THADA: variants seen among roughly 807,000 people sequenced by gnomAD.
THADA encodes the protein THADA armadillo repeat containing, also known as tRNA (32-2'-O)-methyltransferase regulator THADA.
A neutral mutation model predicts 219.8 loss-of-function variants in THADA; 213 were observed. The observed-to-expected ratio is 0.97, with a 90% CI of 0.87 to 1.09. The LOEUF (loss-of-function observed/expected upper bound fraction) is 1.09, where lower values mean the gene tolerates loss of function less well. Among genes scored for constraint, THADA ranks in the 50% least tolerant of loss-of-function variants. THADA has a pLI of 0.00. For missense variants in THADA, 2,956 were observed against 2,311.3 expected, an observed-to-expected ratio of 1.28 and a Z score of -5.72; for synonymous variants, 1,018 against 828.9, an observed-to-expected ratio of 1.23 and a Z score of -3.92.
intron 31 of THADA, among the ~76,000 whole-genome samples, chr2:43,293,583 G>A (rs1194305822): frequency 1.3e-5 from 2 of 152,144 alleles, no homozygotes; most frequent in Non-Finnish European, 2.9e-5. Context: ...GCTCCCCTCT[G>A]TAACACCCTT....
intron 16 of THADA, 146 bp downstream of exon 16, chr2:43,560,088 A>G: frequency 1.7e-6 from 1 of 587,208 alleles, no homozygotes; most frequent in Non-Finnish European, 2.8e-6. Context: ...CCAAAATAGT[A>G]GAGAGGTGTT....
chr2:43,468,125 T>G (rs1684475810), intron 26 of THADA, among the ~76,000 whole-genome samples: 1 of 151,964 alleles, frequency 6.6e-6, no homozygotes, highest in South Asian at 2.1e-4. Context: ...TCCAGGATAT[T>G]TTTTGTTGTT....
chr2:43,304,673 A>ATTT lies in THADA; in HGVS notation c.4439-11463_4439-11461dup, dbSNP rs11387621. Among the ~76,000 whole-genome samples, 132 of 140,388 alleles carry ATTT rather than the reference A, an allele frequency of 9.4e-4. 2 individuals carry two copies. The highest frequency in any genetic ancestry group is 3.1e-3 in the African/African-American group (118 of 37,960). The allele number at this position is 140,388 out of a possible 152,430, so 92.1% of individuals were successfully genotyped here. ...GACGAAAAAATACAGAGCAGACTTCATTTTTTTTTTTTTTTTGTGATGGAG... is the reference window on the plus strand; with the variant it reads ...GACGAAAAAATACAGAGCAGACTTCATTTTTTTTTTTTTTTTTTTGTGATGGAG... On this transcript the variant is annotated intron_variant, in intron 31 of 37. Transcript: ENST00000405975.
At chr2:43,556,238 T>A in intron 17 of THADA, 107 bp downstream of exon 17, 5 of 1,518,064 alleles carry the variant, frequency 3.3e-6, no homozygotes, top group Non-Finnish European at 4.4e-6. Flanking sequence ...GCTGATAAAC[T>A]TTTAAATAAA....
intron 4 of THADA, among the ~76,000 whole-genome samples, chr2:43,590,164 T>C (rs1164405566): frequency 6.6e-6 from 1 of 152,228 alleles, no homozygotes; most frequent in East Asian, 1.9e-4. Flanking sequence ...TGTATAGTTC[T>C]ATATCATTTG....
intron 26 of THADA, among the ~76,000 whole-genome samples, chr2:43,462,282 C>T (rs888882094): frequency 3.3e-5 from 5 of 152,114 alleles, no homozygotes; most frequent in Admixed American, 3.3e-4. Flanking sequence ...AAGATTCCTG[C>T]CAGTGTCACA....
At chr2:43,321,231 G>A (rs1678668217) in intron 30 of THADA, among the ~76,000 whole-genome samples, 2 of 152,120 alleles carry the variant, frequency 1.3e-5, no homozygotes, top group South Asian at 4.1e-4. Flanking sequence ...AGTGTCTTTG[G>A]CCATGAAAAG....
At chr2:43,314,373 C>T (rs149628786) in intron 31 of THADA, among the ~76,000 whole-genome samples, 3 of 151,592 alleles carry the variant, frequency 2.0e-5, no homozygotes, top group East Asian at 1.9e-4. Flanking sequence ...TCATAAAACC[C>T]AACAAGAGAG....
intron 26 of THADA, among the ~76,000 whole-genome samples, chr2:43,460,962 G>T (rs1294761628): frequency 1.3e-5 from 2 of 152,208 alleles, no homozygotes; most frequent in Admixed American, 6.5e-5. Flanking sequence ...GAGGCTGTAG[G>T]AGGAGGAGAA....
chr2:43,499,801 CA>C (rs1037206481), intron 24 of THADA, among the ~76,000 whole-genome samples: 14 of 148,484 alleles, frequency 9.4e-5, no homozygotes, highest in Non-Finnish European at 1.6e-4. Flanking sequence ...AAGTGAAATT[CA>C]AAAAAAAATG....
At chr2:43,276,370 G>A (rs1244821859) in intron 36 of THADA, among the ~76,000 whole-genome samples, 1 of 152,154 alleles carries the variant, frequency 6.6e-6, no homozygotes, top group African/African-American at 2.4e-5. Flanking sequence ...GCATGTGCAG[G>A]AGATTCCAGC....
chr2:43,433,411 C>A (rs193031355), intron 26 of THADA, among the ~76,000 whole-genome samples: 29 of 152,022 alleles, frequency 1.9e-4, no homozygotes, highest in African/African-American at 7.0e-4. Flanking sequence ...TGCCTGTAAT[C>A]CCAGCTACTC....
chr2:43,308,188 C>G (rs1360095149), intron 31 of THADA, among the ~76,000 whole-genome samples: 1 of 151,660 alleles, frequency 6.6e-6, no homozygotes, highest in Non-Finnish European at 1.5e-5. Flanking sequence ...GACCCTGTAT[C>G]ATTCTTTTTA....
intron 26 of THADA, among the ~76,000 whole-genome samples, chr2:43,476,416 C>T (rs556596389): frequency 7.2e-5 from 11 of 152,252 alleles, no homozygotes; most frequent in South Asian, 4.1e-4. Flanking sequence ...GAAGGGAAAT[C>T]GGAGTCTCTG....
intron 28 of THADA, among the ~76,000 whole-genome samples, chr2:43,406,642 G>A (rs1342079775): frequency 6.6e-6 from 1 of 152,164 alleles, no homozygotes; most frequent in East Asian, 1.9e-4. Context: ...CAAAGACATT[G>A]GGAGCCCTAG....
At position 43,577,165 on chromosome 2, in the gene THADA, A is replaced by C; in HGVS notation, c.894T>G (p.Cys298Trp). 1 of 1,609,756 alleles carries C rather than the reference A, an allele frequency of 6.2e-7. No individual in the cohort carries two copies. Among genetic ancestry groups the C allele is most frequent in the South Asian group, 1.1e-5 (1 of 89,764 alleles). Residue 298 changes from cysteine (C) to tryptophan (W), a missense_variant, in exon 10 of 38, where the codon TGT becomes TGG. By Grantham distance (215) the Cys-to-Trp change is radical. Coordinates refer to ENST00000405975, the MANE Select transcript of THADA (RefSeq NM_022065.5). Reference sequence around the variant, plus strand: ...CAGCTGACTGAGAGATGTCACCACAACAGAGGCTCCTGCAGCTGCTCATAA... The same window carrying C: ...CAGCTGACTGAGAGATGTCACCACACCAGAGGCTCCTGCAGCTGCTCATAA... ...EWFMSSCRSL[C>W]CGDISQSAVL...
At chr2:43,564,941 T>C (rs562035492) in intron 15 of THADA, 42 of 152,300 alleles carry the variant, frequency 2.8e-4, no homozygotes, top group African/African-American at 1.0e-3. Flanking sequence ...ATGCGTGATC[T>C]AGGATTGCTT....
chr2:43,474,402 T>C (rs952692730), intron 26 of THADA, among the ~76,000 whole-genome samples: 1 of 152,188 alleles, frequency 6.6e-6, no homozygotes, highest in Non-Finnish European at 1.5e-5. Context: ...CACAGAGTAC[T>C]GACAGCTTTC....
chr2:43,463,547 T>C (rs1683880756), intron 26 of THADA, among the ~76,000 whole-genome samples: 1 of 152,250 alleles, frequency 6.6e-6, no homozygotes, highest in African/African-American at 2.4e-5. Context: ...TTGCTCTCTG[T>C]TTCTTTTAAG....
Sources: gnomAD v4.1 joint callset for allele counts (sites outside exome capture counted in the v4.1 genomes callset) on GRCh38, gnomAD v4.1.1 for gene constraint, MANE v1.5 for transcripts, NCBI Gene and HGNC (gene_info 2026-07-23, HGNC 2026-07-21) for gene names.